CDH12: variants seen among roughly 807,000 people sequenced by gnomAD.
The protein encoded by CDH12 is cadherin 12.
Under a neutral mutation model 74.1 loss-of-function variants are expected in CDH12, and 41 were observed. The ratio of observed to expected loss-of-function variants is 0.55; its 90% confidence interval spans 0.43 to 0.72. The LOEUF is 0.72. Ranked by LOEUF, CDH12 falls within the 30% of genes least tolerant of loss-of-function variation. The probability of loss-of-function intolerance (pLI) is 0.00; values close to 1 mark genes in which losing one functional copy is unlikely to be tolerated. For synonymous variants in CDH12, 399 were observed against 355.0 expected, an observed-to-expected ratio of 1.12 and a Z score of -1.39; for missense variants, 945 against 977.2, an observed-to-expected ratio of 0.97 and a Z score of 0.44.
chr5:22,029,246 G>T (rs2150170764), intron 5 of CDH12, among the ~76,000 whole-genome samples: 1 of 152,112 alleles, frequency 6.6e-6, no homozygotes, highest in East Asian at 1.9e-4. Flanking sequence ...GGCAACAAAA[G>T]ACAAAATTGA....
intron 6 of CDH12, among the ~76,000 whole-genome samples, chr5:21,871,539 C>A (rs959378230): frequency 6.6e-6 from 1 of 151,990 alleles, no homozygotes; most frequent in Non-Finnish European, 1.5e-5. Context: ...TCGCGACCAG[C>A]CTGACCAACA....
intron 9 of CDH12, among the ~76,000 whole-genome samples, chr5:21,805,977 T>C (rs1045543527): frequency 6.6e-6 from 1 of 152,076 alleles, no homozygotes; most frequent in African/African-American, 2.4e-5. Context: ...TCTTTCTCTT[T>C]AGGTTGTTTC....
At chr5:22,721,181 G>A (rs1412086761) in intron 1 of CDH12, among the ~76,000 whole-genome samples, 4 of 152,224 alleles carry the variant, frequency 2.6e-5, no homozygotes, top group Non-Finnish European at 5.9e-5. Flanking sequence ...GCTCTGTGCA[G>A]CCTAGGAACT....
At chr5:22,792,854 C>T (rs748407398) in intron 1 of CDH12, among the ~76,000 whole-genome samples, 3 of 152,152 alleles carry the variant, frequency 2.0e-5, no homozygotes, top group Admixed American at 6.5e-5. Context: ...TATTTCATCA[C>T]CATCACCTAT....
At chr5:22,524,543 A>C (rs1308251582) in intron 1 of CDH12, among the ~76,000 whole-genome samples, 1 of 152,186 alleles carries the variant, frequency 6.6e-6, no homozygotes, top group Non-Finnish European at 1.5e-5. Context: ...TATTATATAA[A>C]ACATTTTTTC....
intron 1 of CDH12, among the ~76,000 whole-genome samples, chr5:22,658,275 A>T (rs1406789315): frequency 6.6e-6 from 1 of 152,144 alleles, no homozygotes; most frequent in South Asian, 2.1e-4. Flanking sequence ...TACAGTGTTC[A>T]TATAAAATAC....
chr5:22,617,003 T>C (rs538638205), intron 1 of CDH12, among the ~76,000 whole-genome samples: 1 of 152,218 alleles, frequency 6.6e-6, no homozygotes, highest in African/African-American at 2.4e-5. Flanking sequence ...TAGCCGGGAC[T>C]AGAGGTGTGT....
intron 11 of CDH12, among the ~76,000 whole-genome samples, chr5:21,765,335 C>G (rs1744961916): frequency 6.6e-6 from 1 of 151,842 alleles, no homozygotes; most frequent in Non-Finnish European, 1.5e-5. Context: ...TAAGTGTAGC[C>G]CTTTCTAAAA....
intron 11 of CDH12, among the ~76,000 whole-genome samples, chr5:21,782,415 C>T (rs1228130382): frequency 5.9e-5 from 9 of 152,122 alleles, no homozygotes. Flanking sequence ...TTGTTGAAGA[C>T]AAACAAAACT....
chr5:22,700,362 T>A (rs1742652544), intron 1 of CDH12, among the ~76,000 whole-genome samples: 1 of 152,162 alleles, frequency 6.6e-6, no homozygotes, highest in African/African-American at 2.4e-5. Flanking sequence ...TCATCACCTA[T>A]GAGAACTCTG....
chr5:21,937,069 A>G (rs1755104938), intron 6 of CDH12, among the ~76,000 whole-genome samples: 1 of 152,216 alleles, frequency 6.6e-6, no homozygotes, highest in Admixed American at 6.5e-5. Flanking sequence ...GTGGTAATCA[A>G]CTAGTTTATG....
chr5:22,737,809 G>A (rs964293323), intron 1 of CDH12, among the ~76,000 whole-genome samples: 1 of 151,936 alleles, frequency 6.6e-6, no homozygotes, highest in African/African-American at 2.4e-5. Flanking sequence ...ATTATTGATC[G>A]AATAGTGCAG....
chr5:22,423,959 C>G (rs1296282309), intron 2 of CDH12, among the ~76,000 whole-genome samples: 3 of 140,746 alleles, frequency 2.1e-5, no homozygotes, highest in Non-Finnish European at 4.5e-5. Context: ...GCCGAGATCC[C>G]GCCACTGCAC....
At chr5:22,526,556 G>A (rs979011547) in intron 1 of CDH12, among the ~76,000 whole-genome samples, 4 of 152,130 alleles carry the variant, frequency 2.6e-5, no homozygotes, top group African/African-American at 9.7e-5. Flanking sequence ...GTGTTAATTT[G>A]TTCAAGAAAT....
intron 1 of CDH12, among the ~76,000 whole-genome samples, chr5:22,810,103 T>A (rs959653046): frequency 6.6e-6 from 1 of 152,176 alleles, no homozygotes; most frequent in African/African-American, 2.4e-5. Flanking sequence ...AGGTTTCTTA[T>A]TTCCCAAATC....
intron 1 of CDH12, among the ~76,000 whole-genome samples, chr5:22,789,601 T>C (rs987096993): frequency 6.6e-6 from 1 of 152,050 alleles, no homozygotes; most frequent in Non-Finnish European, 1.5e-5. Flanking sequence ...CTCATAAAAG[T>C]GTCTCACAAG....
chr5:21,999,056 T>C (rs1465788665), intron 5 of CDH12, among the ~76,000 whole-genome samples: 2 of 152,178 alleles, frequency 1.3e-5, no homozygotes, highest in Non-Finnish European at 1.5e-5. Flanking sequence ...CCATTTACAA[T>C]TTGCAGCAGG....
At chr5:21,982,581 TATAG>T (rs1266372347) in intron 5 of CDH12, among the ~76,000 whole-genome samples, 3 of 151,284 alleles carry the variant, frequency 2.0e-5, no homozygotes, top group Non-Finnish European at 2.9e-5. Context: ...TACATCTATA[TATAG>T]AGAGATCTCT....
At chr5:22,453,459 T>C (rs1745134488) in intron 2 of CDH12, among the ~76,000 whole-genome samples, 1 of 152,138 alleles carries the variant, frequency 6.6e-6, no homozygotes, top group Non-Finnish European at 1.5e-5. Flanking sequence ...GTAGAGGACA[T>C]TATATTAAGT....
Sources: allele counts gnomAD v4.1 joint callset (sites outside exome capture counted in the v4.1 genomes callset), GRCh38; gene constraint gnomAD v4.1.1; transcripts MANE v1.5; gene names NCBI Gene and HGNC (gene_info 2026-07-23, HGNC 2026-07-21).